Variants in PTPN9 observed in about 807,000 individuals in gnomAD.
The protein encoded by PTPN9 is protein tyrosine phosphatase non-receptor type 9, also known as tyrosine-protein phosphatase non-receptor type 9.
Under a neutral mutation model 69.8 loss-of-function variants are expected in PTPN9, and 26 were observed. That is an observed-to-expected ratio of 0.37 (90% CI 0.27 to 0.52). PTPN9 has a LOEUF of 0.52. Ranked by LOEUF, PTPN9 falls within the 20% of genes least tolerant of loss-of-function variation. The pLI, the probability that PTPN9 is intolerant of heterozygous loss-of-function variation, is 0.91. For missense variants in PTPN9, 549 were observed against 740.3 expected (o/e 0.74, Z 3.00); for synonymous variants, 274 against 272.5 (o/e 1.01, Z -0.05).
Position 75,468,078 on chromosome 15 carries a change from T to A in PTPN9, c.*691A>T, listed in dbSNP as rs758801636. The A allele has an allele frequency of 9.2e-5, 14 of 152,702 alleles. No individual in the cohort carries two copies. Among genetic ancestry groups the A allele is most frequent in the African/African-American group, 3.4e-4 (14 of 41,546 alleles). 9.5% of individuals were successfully genotyped at this position (152,702 alleles called of 1,614,324 possible). Reference sequence around the variant, plus strand: ...ATCACCAACCCAAGCTAGTCCAGGATAAATAGTAGGGTCCAAGAAGCAAGG... The same window carrying A: ...ATCACCAACCCAAGCTAGTCCAGGAAAAATAGTAGGGTCCAAGAAGCAAGG... On this transcript the variant is annotated 3_prime_UTR_variant, in exon 13 of 13. Coordinates refer to ENST00000618819, the MANE Select transcript of PTPN9 (RefSeq NM_002833.4).
chr15:75,508,941 G>T lies in PTPN9; in HGVS notation c.615C>A (p.Leu205=). ...FRVPYSIISL[L]LKDKVRERIQ... ...CCCTCTCCCGGACTTTGTCCTTCAG[G>T]AGGAGACTGATGATGGAATAGGGCA... The change falls in exon 6 of 13, where the codon CTC becomes CTA. Residue 205 remains leucine (L), a synonymous_variant. Transcript: ENST00000618819. 1 of 1,613,948 alleles carries T rather than the reference G, an allele frequency of 6.2e-7. No homozygotes were observed. The highest frequency in any genetic ancestry group is 8.5e-7 in the Non-Finnish European group (1 of 1,179,856).
chr15:75,501,583 C>T (rs1249373886), intron 7 of PTPN9, among the ~76,000 whole-genome samples: 1 of 151,630 alleles, frequency 6.6e-6, no homozygotes, highest in Admixed American at 6.6e-5. Flanking sequence ...TCCTGCATAG[C>T]TGGGACAACA....
rs1258263941 is a variant in PTPN9 at position 75,579,208 on chromosome 15, C to T, written c.-432G>A. ...CGGCCGCGCTCCCGCTCCTCCACAG[C>T]GCCACAGAGCTCGGGGCCGCCCAGC... On this transcript the variant is annotated 5_prime_UTR_variant, in exon 1 of 13. Transcript: ENST00000618819. 6.6e-6 allele frequency: 1 copy of T among 152,284 alleles called. No individual in the cohort carries two copies. The highest frequency in any genetic ancestry group is 1.5e-5 in the Non-Finnish European group (1 of 68,090). 9.4% of individuals were successfully genotyped at this position (152,284 alleles called of 1,614,324 possible). A position where few individuals can be genotyped will look rare whatever the true frequency, so the allele number is the denominator to read the frequency against.
intron 8 of PTPN9, among the ~76,000 whole-genome samples, chr15:75,485,433 A>G (rs555872574): frequency 8.3e-5 from 12 of 145,072 alleles, no homozygotes; most frequent in Non-Finnish European, 1.6e-4. Flanking sequence ...CAGTGGCGCA[A>G]TCTCGGCTCA....
At chr15:75,538,641 C>T (rs2074995508) in intron 1 of PTPN9, among the ~76,000 whole-genome samples, 2 of 151,926 alleles carry the variant, frequency 1.3e-5, no homozygotes, top group Non-Finnish European at 2.9e-5. Flanking sequence ...GAAACTGTAC[C>T]ACTGCATGGC....
intron 1 of PTPN9, among the ~76,000 whole-genome samples, chr15:75,542,847 G>A (rs1357126245): frequency 6.7e-6 from 1 of 149,698 alleles, no homozygotes; most frequent in Non-Finnish European, 1.5e-5. Flanking sequence ...TTTTTTTTTG[G>A]CTTTTTTTTT....
In PTPN9 at chr15:75,530,884, AT is replaced by A. The variant is rs1300215474; in HGVS notation, c.64-3624del. 4.4e-5 allele frequency among the ~76,000 whole-genome samples: 5 copies of A among 114,808 alleles called. No homozygotes were observed. The South Asian group carries it at 1.2e-3, about 27-fold the overall frequency. The allele number at this position is 114,808 out of a possible 152,430, so 75.3% of individuals were successfully genotyped here. On this transcript the variant is annotated intron_variant, in intron 1 of 12. Transcript: ENST00000618819. ...TATTATATATTACGATATATTATAT[AT>A]TATTATATATTATATTATATATTAT...
chr15:75,543,851 G>T (rs2075019875), intron 1 of PTPN9, among the ~76,000 whole-genome samples: 1 of 151,954 alleles, frequency 6.6e-6, no homozygotes, highest in East Asian at 1.9e-4. Context: ...TAAGTTTGTT[G>T]GTAATCTTCA....
At chr15:75,499,756 C>T (rs1383014792) in intron 7 of PTPN9, among the ~76,000 whole-genome samples, 3 of 152,024 alleles carry the variant, frequency 2.0e-5, no homozygotes, top group African/African-American at 7.2e-5. Context: ...AATGACATCT[C>T]AAGGGCCTCA....
intron 4 of PTPN9, among the ~76,000 whole-genome samples, chr15:75,520,209 AG>A (rs1320283423): frequency 6.6e-6 from 1 of 152,108 alleles, no homozygotes; most frequent in African/African-American, 2.4e-5. Context: ...TTTCTCCATG[AG>A]CTCCTCAAGG....
intron 10 of PTPN9, among the ~76,000 whole-genome samples, chr15:75,471,427 A>G (rs541399662): frequency 6.6e-6 from 1 of 152,078 alleles, no homozygotes; most frequent in African/African-American, 2.4e-5. Flanking sequence ...CAACATGGAA[A>G]CCCTATCTCT....
chr15:75,548,420 T>G (rs1014865070), intron 1 of PTPN9, among the ~76,000 whole-genome samples: 1 of 150,970 alleles, frequency 6.6e-6, no homozygotes, highest in African/African-American at 2.4e-5. Flanking sequence ...CATGCCCAGC[T>G]AATTTTTGCA....
chr15:75,546,541 G>A (rs943581460), intron 1 of PTPN9, among the ~76,000 whole-genome samples: 3 of 151,988 alleles, frequency 2.0e-5, no homozygotes, highest in African/African-American at 7.3e-5. Context: ...TACTCAGGAG[G>A]CTGAGGCAGG....
At chr15:75,507,043 G>A (rs1225667058) in intron 6 of PTPN9, among the ~76,000 whole-genome samples, 3 of 152,042 alleles carry the variant, frequency 2.0e-5, no homozygotes, top group African/African-American at 2.4e-5. Flanking sequence ...CCAGTGCTTC[G>A]ACTACAAAAA....
At chr15:75,501,553 C>T (rs2074772874) in intron 7 of PTPN9, among the ~76,000 whole-genome samples, 1 of 151,088 alleles carries the variant, frequency 6.6e-6, no homozygotes, top group Admixed American at 6.6e-5. Flanking sequence ...TGGTCTTGAC[C>T]TCCCGGGCTC....
At chr15:75,543,721 A>G (rs921799718) in intron 1 of PTPN9, among the ~76,000 whole-genome samples, 3 of 152,202 alleles carry the variant, frequency 2.0e-5, no homozygotes, top group Non-Finnish European at 4.4e-5. Flanking sequence ...TCGTATGACT[A>G]TATTATCCAC....
chr15:75,514,113 A>G (rs952073336), intron 5 of PTPN9, among the ~76,000 whole-genome samples: 6 of 151,452 alleles, frequency 4.0e-5, no homozygotes, highest in African/African-American at 7.3e-5. Flanking sequence ...AAAAAAAAAA[A>G]AAAAGAAAGA....
intron 1 of PTPN9, among the ~76,000 whole-genome samples, chr15:75,534,436 G>A (rs2074974622): frequency 1.3e-5 from 2 of 152,138 alleles, no homozygotes; most frequent in Admixed American, 1.3e-4. Context: ...CACTTTGGAA[G>A]GCCAAGGTGG....
Position 75,470,725 on chromosome 15 carries a change from G to C in PTPN9, c.1314C>G (p.Asn438Lys). 9 of 1,614,192 alleles carry C rather than the reference G, an allele frequency of 5.6e-6. No homozygotes were observed. Among genetic ancestry groups the C allele is most frequent in the Non-Finnish European group, 7.6e-6 (9 of 1,180,026 alleles). The change falls in exon 11 of 13, where the codon AAC (asparagine) becomes AAG (lysine). Residue 438 changes from asparagine (N) to lysine (K), a missense_variant. Asn to Lys is a moderately conservative substitution (Grantham distance 94). Transcript: ENST00000618819. ...FLTVTNLGVE[N>K]MNHYKKTTLE... is the part of the protein sequence containing the mutation. Reference sequence around the variant, plus strand: ...GCGTTGTTTTCTTATAATGATTCATGTTCTCCACGCCTAGATTGGTCACTG... The same window carrying C: ...GCGTTGTTTTCTTATAATGATTCATCTTCTCCACGCCTAGATTGGTCACTG...
Sources: allele counts gnomAD v4.1 joint callset (sites outside exome capture counted in the v4.1 genomes callset), GRCh38; gene constraint gnomAD v4.1.1; transcripts MANE v1.5; gene names NCBI Gene and HGNC (gene_info 2026-07-23, HGNC 2026-07-21).